Variants in TK2 observed in about 807,000 individuals in gnomAD.
TK2 encodes the protein thymidine kinase 2, also known as thymidine kinase 2, mitochondrial.
In TK2, 35 loss-of-function variants were observed where a neutral mutation model predicts 41.9. That is an observed-to-expected ratio of 0.84 (90% CI 0.64 to 1.11). TK2 has a LOEUF of 1.11. TK2 is among the 50% of genes least tolerant of loss of function. TK2 has a pLI of 0.00. For synonymous variants in TK2, 128 were observed against 129.1 expected, an observed-to-expected ratio of 0.99 and a Z score of 0.06; for missense variants, 320 against 351.1, an observed-to-expected ratio of 0.91 and a Z score of 0.71.
intron 6 of TK2, among the ~76,000 whole-genome samples, chr16:66,521,835 C>G (rs1202875430): frequency 6.6e-6 from 1 of 152,194 alleles, no homozygotes; most frequent in Non-Finnish European, 1.5e-5. Context: ...GCATGGGGGT[C>G]TCACCCTTGC....
Position 66,509,280 on chromosome 16 carries a change from A to C in TK2, c.*2688T>G, listed in dbSNP as rs138568205. The C allele has an allele frequency of 6.6e-6, 1 of 152,514 alleles. No homozygotes were observed. The highest frequency in any genetic ancestry group is 6.5e-5 in the Admixed American group (1 of 15,302). 9.4% of individuals were successfully genotyped at this position (152,514 alleles called of 1,614,324 possible). A position where few individuals can be genotyped will look rare whatever the true frequency, so the allele number is the denominator to read the frequency against. ...AGTCAGGCCCCAGAGGAAGGAAGCC[A>C]GGAGCCAAGAGGTGGACCCAAAAGA... On this transcript the variant is annotated 3_prime_UTR_variant, in exon 10 of 10. Transcript: ENST00000544898.
At chr16:66,549,879 G>T (rs1463399018) in intron 1 of TK2, 59 bp downstream of exon 1, 2 of 1,297,216 alleles carry the variant, frequency 1.5e-6, no homozygotes, top group Non-Finnish European at 1.9e-6. Context: ...GAAGCCGAGG[G>T]GCCGGGAGTA....
At chr16:66,540,243 G>A (rs1184175780) in intron 3 of TK2, among the ~76,000 whole-genome samples, 1 of 147,446 alleles carries the variant, frequency 6.8e-6, no homozygotes, top group African/African-American at 2.5e-5. Context: ...CACAGTCCTG[G>A]CTCACCACAG....
intron 2 of TK2, among the ~76,000 whole-genome samples, chr16:66,544,182 A>T (rs1165117748): frequency 2.0e-5 from 3 of 152,160 alleles, no homozygotes; most frequent in African/African-American, 2.4e-5. Flanking sequence ...GAGCTCAGCC[A>T]ATCTGCCCTC....
intron 5 of TK2, among the ~76,000 whole-genome samples, chr16:66,530,315 C>T (rs1385426510): frequency 1.3e-5 from 2 of 152,208 alleles, no homozygotes; most frequent in Non-Finnish European, 2.9e-5. Context: ...CATGCAGAGC[C>T]TTAAAGCTGG....
rs575041315 is a variant in TK2, at chr16:66,511,641, C to T, written c.*327G>A. ...AGGCTGAGACGATTGGTACACAGCT[C>T]CAGCGTGGTGTCAGGCACACAACAG... On this transcript the variant is annotated 3_prime_UTR_variant, in exon 10 of 10. Transcript: ENST00000544898. 71 of 423,662 alleles carry T rather than the reference C, an allele frequency of 1.7e-4. No individual in the cohort carries two copies. Among genetic ancestry groups the T allele is most frequent in the Non-Finnish European group, 2.8e-4 (64 of 225,858 alleles). 26.2% of individuals were successfully genotyped at this position (423,662 alleles called of 1,614,324 possible). A position where few individuals can be genotyped will look rare whatever the true frequency, so the allele number is the denominator to read the frequency against.
chr16:66,513,297 T>C (rs540932688), intron 9 of TK2, among the ~76,000 whole-genome samples: 1 of 152,312 alleles, frequency 6.6e-6, no homozygotes, highest in East Asian at 1.9e-4. Flanking sequence ...TCAGCATTCC[T>C]AAGGGCATCA....
chr16:66,509,518 T>A lies in TK2; in HGVS notation c.*2450A>T, dbSNP rs35138698. 1 of 152,206 alleles carries A rather than the reference T, an allele frequency of 6.6e-6. No individual in the cohort carries two copies. Among genetic ancestry groups the A allele is most frequent in the South Asian group, 2.1e-4 (1 of 4,834 alleles). The allele number at this position is 152,206 out of a possible 1,614,324, so 9.4% of individuals were successfully genotyped here. On this transcript the variant is annotated 3_prime_UTR_variant, in exon 10 of 10. Transcript: ENST00000544898. ...AAATAAAAGCTGAAATAAATGCTAATTGAAAGAAAATGTATATGTGCAACA... is the reference window on the plus strand; with the variant it reads ...AAATAAAAGCTGAAATAAATGCTAAATGAAAGAAAATGTATATGTGCAACA...
At chr16:66,550,288 T>G, upstream of TK2, 1 of 1,579,610 alleles carries the variant, frequency 6.3e-7, no homozygotes, top group Non-Finnish European at 8.5e-7. Context: ...ACCCATAACT[T>G]GGCAACACTC....
Position 66,547,653 on chromosome 16 carries a change from T to C in TK2, c.156+1325A>G, listed in dbSNP as rs1282552270. Among the ~76,000 whole-genome samples, 7 of 151,868 alleles carry C rather than the reference T, an allele frequency of 4.6e-5. No homozygotes were observed. In the East Asian group the frequency reaches 1.4e-3, roughly 29 times the overall value. On this transcript the variant is annotated intron_variant, in intron 2 of 9. Coordinates refer to ENST00000544898, the MANE Select transcript of TK2 (RefSeq NM_004614.5). ...TGTTCTAGTTCCACCATTCTCCTAG[T>C]TACTGCTGTCTCCCCCATCAGACAG...
chr16:66,513,369 G>A (rs1218324351), intron 9 of TK2, among the ~76,000 whole-genome samples: 1 of 152,168 alleles, frequency 6.6e-6, no homozygotes, highest in African/African-American at 2.4e-5. Flanking sequence ...ACCAAACAAA[G>A]GTGAAATGAG....
Position 66,508,462 on chromosome 16 carries a change from G to C in TK2, c.*3506C>G, listed in dbSNP as rs548291969. On this transcript the variant is annotated 3_prime_UTR_variant, in exon 10 of 10. Transcript: ENST00000544898. ...TCTGAACAATGGATGACTGACATTT[G>C]CAAGAGCTTGCCAATTATTTTAATA... 2.0e-5 allele frequency: 3 copies of C among 152,416 alleles called. No homozygotes were observed. Among genetic ancestry groups the C allele is most frequent in the African/African-American group, 7.2e-5 (3 of 41,592 alleles). The allele number at this position is 152,416 out of a possible 1,614,324, so 9.4% of individuals were successfully genotyped here.
At chr16:66,520,967 G>A (rs1017597011) in intron 6 of TK2, among the ~76,000 whole-genome samples, 8 of 152,236 alleles carry the variant, frequency 5.3e-5, no homozygotes, top group African/African-American at 1.9e-4. Flanking sequence ...GGGCACAGAA[G>A]AGGTGGCACC....
chr16:66,545,058 C>A (rs1346983059), intron 2 of TK2, among the ~76,000 whole-genome samples: 3 of 148,338 alleles, frequency 2.0e-5, no homozygotes, highest in African/African-American at 7.6e-5. Context: ...CACACCACTG[C>A]ACTCCAGTCT....
intron 1 of TK2, chr16:66,549,486 G>A: frequency 9.6e-7 from 1 of 1,040,212 alleles, no homozygotes; most frequent in Non-Finnish European, 1.2e-6. Flanking sequence ...CAGAACCCGG[G>A]TGTAACAGTG....
In TK2 at chr16:66,514,210, A is replaced by G. The variant is rs986193626; in HGVS notation, c.619-399T>C. ...TACTGCCGCCAACTCGACTCACTGC[A>G]ACCTCCCTGCCTGATTCTCCTGCCT... On this transcript the variant is annotated intron_variant, in intron 8 of 9. Coordinates refer to ENST00000544898, the MANE Select transcript of TK2 (RefSeq NM_004614.5). This position sits in a 1 kb window ranked among gnomAD's most constrained non-coding sequence, Gnocchi z 4.2. 6.6e-5 allele frequency among the ~76,000 whole-genome samples: 10 copies of G among 150,530 alleles called. No individual in the cohort carries two copies. Among genetic ancestry groups the G allele is most frequent in the Admixed American group, 2.7e-4 (4 of 15,070 alleles).
rs2144399851 is a variant in TK2 at position 66,528,976 on chromosome 16, C to T, written c.449+18G>A. ...AATTAGTGGTTTAATAAATTATCAA[C>T]TATTCAAACTACAGTACCTTCTATA... On this transcript the variant is annotated intron_variant, in intron 6 of 9. Coordinates refer to ENST00000544898, the MANE Select transcript of TK2 (RefSeq NM_004614.5). 1 of 1,610,370 alleles carries T rather than the reference C, an allele frequency of 6.2e-7. No homozygotes were observed. Among genetic ancestry groups the T allele is most frequent in the Admixed American group, 1.7e-5 (1 of 60,002 alleles).
intron 6 of TK2, among the ~76,000 whole-genome samples, chr16:66,523,500 G>C (rs1356604548): frequency 1.3e-5 from 2 of 152,206 alleles, no homozygotes; most frequent in African/African-American, 2.4e-5. Context: ...GACAATGACA[G>C]TAATCTGCAT....
At chr16:66,527,598 G>A (rs1453564904) in intron 6 of TK2, among the ~76,000 whole-genome samples, 4 of 152,154 alleles carry the variant, frequency 2.6e-5, no homozygotes, top group Admixed American at 2.0e-4. Flanking sequence ...GTCCGGGGGG[G>A]TGGGTGGCAA....
Sources: gnomAD v4.1 joint callset for allele counts (sites outside exome capture counted in the v4.1 genomes callset) on GRCh38, gnomAD v4.1.1 for gene constraint, Gnocchi (gnomAD v3.1) non-coding constraint, MANE v1.5 for transcripts, NCBI Gene and HGNC (gene_info 2026-07-23, HGNC 2026-07-21) for gene names.